The following PARVA variants were observed in gnomAD, a reference collection of about 807,000 sequenced individuals.
The protein encoded by PARVA is alpha-parvin.
Under a neutral mutation model 52.6 loss-of-function variants are expected in PARVA, and 25 were observed. The observed-to-expected ratio is 0.48, with a 90% CI of 0.35 to 0.66. The LOEUF (loss-of-function observed/expected upper bound fraction) is 0.66. PARVA is among the 30% of genes least tolerant of loss of function. The pLI is 0.01. For synonymous variants in PARVA, 185 were observed against 179.1 expected (o/e 1.03, Z -0.26); for missense variants, 373 against 450.9 (o/e 0.83, Z 1.56).
intron 1 of PARVA, among the ~76,000 whole-genome samples, chr11:12,456,970 A>G (rs765983967): frequency 6.6e-6 from 1 of 152,192 alleles, no homozygotes; most frequent in Non-Finnish European, 1.5e-5. Flanking sequence ...GTAAAATGTT[A>G]TCTTCTTTGA....
At chr11:12,400,343 C>G (rs937223642) in intron 1 of PARVA, among the ~76,000 whole-genome samples, 3 of 152,084 alleles carry the variant, frequency 2.0e-5, no homozygotes, top group Admixed American at 2.0e-4. Context: ...TTATATTTCT[C>G]CTTTTGCTTT....
rs114473524 is a variant in PARVA at position 12,467,020 on chromosome 11, A to C, written c.137-6725A>C. On this transcript the variant is annotated intron_variant, in intron 1 of 12. Coordinates refer to ENST00000334956, the MANE Select transcript of PARVA (RefSeq NM_018222.5). ...GTTTTCCAGTCCATGAACACTGAAT[A>C]TCTCTTCCTTTATTTAGATCATCTG... Among the ~76,000 whole-genome samples, 779 of 152,332 alleles carry C rather than the reference A, an allele frequency of 5.1e-3. 13 individuals are homozygous for C. Among genetic ancestry groups the C allele is most frequent in the African/African-American group, 0.018 (739 of 41,578 alleles).
intron 6 of PARVA, among the ~76,000 whole-genome samples, chr11:12,507,999 G>A (rs1053633138): frequency 6.6e-6 from 1 of 151,070 alleles, no homozygotes; most frequent in Non-Finnish European, 1.5e-5. Flanking sequence ...TGGACGGACG[G>A]ACGGACGAGT....
intron 11 of PARVA, among the ~76,000 whole-genome samples, 162 bp downstream of exon 11, chr11:12,517,873 G>A (rs1443455778): frequency 1.3e-5 from 2 of 152,220 alleles, no homozygotes; most frequent in South Asian, 2.1e-4. Flanking sequence ...GAGCTGGGAA[G>A]GAGCTACCTG....
chr11:12,518,406 G>T, intron 11 of PARVA, 39 bp from the exon 12 acceptor site: 1 of 1,517,648 alleles, frequency 6.6e-7, no homozygotes. Context: ...GGGCTCCTGG[G>T]TGTGCAATGG....
At chr11:12,436,968 A>C (rs1233082568) in intron 1 of PARVA, among the ~76,000 whole-genome samples, 1 of 152,144 alleles carries the variant, frequency 6.6e-6, no homozygotes, top group African/African-American at 2.4e-5. Context: ...ACATTACATA[A>C]ATTTTGCTGT....
At chr11:12,490,469 A>T (rs1163528282) in intron 4 of PARVA, among the ~76,000 whole-genome samples, 4 of 151,418 alleles carry the variant, frequency 2.6e-5, no homozygotes, top group East Asian at 1.9e-4. Flanking sequence ...GTGAGCAGAG[A>T]TCGAGCCACT....
chr11:12,491,561 G>C (rs1018589089), intron 4 of PARVA, among the ~76,000 whole-genome samples: 1 of 152,102 alleles, frequency 6.6e-6, no homozygotes, highest in African/African-American at 2.4e-5. Context: ...TAAAGCTGGG[G>C]TAACTATTTT....
At chr11:12,438,543 A>G (rs1940420330) in intron 1 of PARVA, among the ~76,000 whole-genome samples, 1 of 152,106 alleles carries the variant, frequency 6.6e-6, no homozygotes, top group Admixed American at 6.5e-5. Context: ...TAAAGTCCCC[A>G]CCTTTTAATA....
At position 12,513,339 on chromosome 11, in the gene PARVA, C is replaced by T; in HGVS notation, c.777C>T (p.Asp259=). ...AFDTLFDHAP[D]KLNVVKKTLI... ...ACACCTTGTTCGACCATGCCCCAGA[C>T]AAGCTGAATGTGGTGAAAAAGGTGG... Residue 259 remains aspartate (D), a synonymous_variant, in exon 9 of 13, where the codon GAC becomes GAT. Transcript: ENST00000334956. 6.2e-7 allele frequency: 1 copy of T among 1,613,900 alleles called. No individual in the cohort carries two copies. The highest frequency in any genetic ancestry group is 8.5e-7 in the Non-Finnish European group (1 of 1,179,796).
chr11:12,389,085 C>T (rs774706149), intron 1 of PARVA, among the ~76,000 whole-genome samples: 3 of 152,080 alleles, frequency 2.0e-5, no homozygotes, highest in Non-Finnish European at 4.4e-5. Flanking sequence ...GAATTAAAAC[C>T]AACATTGTGA....
intron 1 of PARVA, among the ~76,000 whole-genome samples, chr11:12,432,346 G>A (rs894556952): frequency 1.3e-5 from 2 of 152,210 alleles, no homozygotes; most frequent in African/African-American, 4.8e-5. Context: ...TATTTCATGA[G>A]ATAAATGTGT....
chr11:12,451,905 A>G (rs1203056742), intron 1 of PARVA, among the ~76,000 whole-genome samples: 6 of 152,108 alleles, frequency 3.9e-5, no homozygotes. Flanking sequence ...ATGGTTATGG[A>G]AAGAGCCCCT....
rs182738644 is a variant in PARVA at position 12,408,485 on chromosome 11, A to G, written c.136+30702A>G. The stretch of plus-strand genomic sequence containing the variant: ...GGGGACTGCTTGGGAGCTGGACCCA[A>G]TGTTTTCATCCCTGTGCCTCTCAGC... On this transcript the variant is annotated intron_variant, in intron 1 of 12. Coordinates refer to ENST00000334956, the MANE Select transcript of PARVA (RefSeq NM_018222.5). Among the ~76,000 whole-genome samples the G allele has an allele frequency of 1.7e-4, 26 of 152,212 alleles. No individual in the cohort carries two copies. The East Asian group carries it at 4.3e-3, about 25-fold the overall frequency.
intron 1 of PARVA, 115 bp from the exon 2 acceptor site, chr11:12,473,630 A>T: frequency 1.3e-6 from 1 of 758,926 alleles, no homozygotes; most frequent in Non-Finnish European, 2.3e-6. Flanking sequence ...AACAGCTGTA[A>T]TCTACCCTTA....
chr11:12,403,253 G>A (rs1439319944), intron 1 of PARVA, among the ~76,000 whole-genome samples: 1 of 152,234 alleles, frequency 6.6e-6, no homozygotes, highest in Non-Finnish European at 1.5e-5. Flanking sequence ...TAGGAGGAGG[G>A]GGAGAAGGAA....
At chr11:12,456,260 A>G (rs1940692908) in intron 1 of PARVA, among the ~76,000 whole-genome samples, 1 of 152,208 alleles carries the variant, frequency 6.6e-6, no homozygotes, top group South Asian at 2.1e-4. Context: ...TGTGCTGGGC[A>G]TTTCGTATGT....
chr11:12,443,868 T>C (rs1424143266), intron 1 of PARVA, among the ~76,000 whole-genome samples: 1 of 152,230 alleles, frequency 6.6e-6, no homozygotes, highest in Non-Finnish European at 1.5e-5. Context: ...GGTTGAGCCC[T>C]GCTTCTTCTC....
At chr11:12,423,429 A>G (rs1940182242) in intron 1 of PARVA, among the ~76,000 whole-genome samples, 1 of 149,388 alleles carries the variant, frequency 6.7e-6, no homozygotes, top group Non-Finnish European at 1.5e-5. Flanking sequence ...GGGCTCAAGC[A>G]GTCTGCCTTC....
Sources: gnomAD v4.1 joint callset for allele counts (sites outside exome capture counted in the v4.1 genomes callset) on GRCh38, gnomAD v4.1.1 for gene constraint, MANE v1.5 for transcripts, NCBI Gene and HGNC (gene_info 2026-07-23, HGNC 2026-07-21) for gene names.